The following AGBL4 variants were observed in gnomAD, a reference collection of about 807,000 sequenced individuals.
AGBL4 encodes the protein AGBL carboxypeptidase 4.
Under a neutral mutation model 66.4 loss-of-function variants are expected in AGBL4, and 58 were observed. The observed-to-expected ratio is 0.87, with a 90% CI of 0.71 to 1.09. The LOEUF (loss-of-function observed/expected upper bound fraction) is 1.09, where lower values mean the gene tolerates loss of function less well. AGBL4 is among the 50% of genes least tolerant of loss of function. The pLI, the probability that AGBL4 is intolerant of heterozygous loss-of-function variation, is 0.00. For synonymous variants in AGBL4, 234 were observed against 222.9 expected, an observed-to-expected ratio of 1.05 and a Z score of -0.44; for missense variants, 579 against 631.0, an observed-to-expected ratio of 0.92 and a Z score of 0.88.
intron 3 of AGBL4, among the ~76,000 whole-genome samples, chr1:49,666,850 G>A (rs1351828383): frequency 6.6e-6 from 1 of 152,002 alleles, no homozygotes; most frequent in Non-Finnish European, 1.5e-5. Flanking sequence ...TGGCTCAAGG[G>A]CATACAGCTG....
chr1:49,937,920 A>G (rs1054061663), intron 1 of AGBL4, among the ~76,000 whole-genome samples: 5 of 152,182 alleles, frequency 3.3e-5, no homozygotes, highest in Non-Finnish European at 7.4e-5. Flanking sequence ...ACACCCTAAC[A>G]TCACAATTAA....
chr1:49,171,389 C>T (rs1409076162), intron 4 of AGBL4, among the ~76,000 whole-genome samples: 4 of 152,170 alleles, frequency 2.6e-5, no homozygotes, highest in Admixed American at 6.5e-5. Flanking sequence ...CAGTACAAGG[C>T]TTGATCACAG....
intron 1 of AGBL4, among the ~76,000 whole-genome samples, chr1:49,954,299 T>C (rs778668608): frequency 2.0e-5 from 3 of 152,020 alleles, no homozygotes; most frequent in Non-Finnish European, 4.4e-5. Flanking sequence ...GTTAGAAACT[T>C]AATTGCCAGT....
chr1:49,797,669 C>T (rs1470639355), intron 2 of AGBL4, among the ~76,000 whole-genome samples: 1 of 152,128 alleles, frequency 6.6e-6, no homozygotes, highest in African/African-American at 2.4e-5. Flanking sequence ...GGTCTTGAAA[C>T]ACTGGCCTCA....
At chr1:49,973,289 A>T (rs1658287035) in intron 1 of AGBL4, among the ~76,000 whole-genome samples, 1 of 152,204 alleles carries the variant, frequency 6.6e-6, no homozygotes, top group Non-Finnish European at 1.5e-5. Flanking sequence ...TAAACTGATC[A>T]TAATTCCAAT....
chr1:48,581,373 T>C (rs1239930198), intron 11 of AGBL4, among the ~76,000 whole-genome samples: 1 of 152,220 alleles, frequency 6.6e-6, no homozygotes, highest in East Asian at 1.9e-4. Flanking sequence ...TCTTATTTCA[T>C]TGTGTCCACA....
chr1:49,648,851 G>T (rs1645945112), intron 3 of AGBL4, among the ~76,000 whole-genome samples: 1 of 151,224 alleles, frequency 6.6e-6, no homozygotes, highest in African/African-American at 2.4e-5. Flanking sequence ...AATGTTAAAA[G>T]AAATTATTTC....
chr1:49,101,592 C>T (rs535723370), intron 4 of AGBL4, among the ~76,000 whole-genome samples: 1 of 152,110 alleles, frequency 6.6e-6, no homozygotes, highest in Non-Finnish European at 1.5e-5. Flanking sequence ...ATTCTGGAGT[C>T]AGAGGGATCT....
chr1:49,146,345 C>T (rs1228066219), intron 4 of AGBL4, among the ~76,000 whole-genome samples: 4 of 151,866 alleles, frequency 2.6e-5, no homozygotes, highest in Non-Finnish European at 5.9e-5. Context: ...CATGCTTGTA[C>T]CAAAATATCT....
At chr1:48,609,833 C>T (rs201740471) in intron 9 of AGBL4, among the ~76,000 whole-genome samples, 5 of 152,234 alleles carry the variant, frequency 3.3e-5, no homozygotes, top group East Asian at 3.8e-4. Context: ...AGACTCAATA[C>T]TGGCGTCGCT....
chr1:48,948,701 T>C (rs17105307), intron 5 of AGBL4, among the ~76,000 whole-genome samples: 3,385 of 152,300 alleles, frequency 0.022, 130 homozygotes, highest in African/African-American at 0.074. Flanking sequence ...TTCTGAGGAA[T>C]CCTAACTACA....
chr1:49,990,963 C>T (rs565639427), intron 1 of AGBL4, among the ~76,000 whole-genome samples: 31 of 152,028 alleles, frequency 2.0e-4, no homozygotes, highest in African/African-American at 7.5e-4. Flanking sequence ...AGATTATATG[C>T]GTAATCGTCA....
At chr1:49,216,979 A>G (rs1649144848) in intron 4 of AGBL4, among the ~76,000 whole-genome samples, 1 of 152,084 alleles carries the variant, frequency 6.6e-6, no homozygotes, top group South Asian at 2.1e-4. Context: ...CTTCTCATAC[A>G]AAATACCTCC....
At chr1:49,885,128 C>T (rs1403175018) in intron 1 of AGBL4, among the ~76,000 whole-genome samples, 4 of 151,930 alleles carry the variant, frequency 2.6e-5, no homozygotes, top group South Asian at 2.1e-4. Context: ...TTATATGACA[C>T]GTATTTCACC....
chr1:49,754,639 G>A (rs904900655), intron 2 of AGBL4, among the ~76,000 whole-genome samples: 3 of 152,160 alleles, frequency 2.0e-5, no homozygotes, highest in Non-Finnish European at 4.4e-5. Flanking sequence ...CCCCTGCTGG[G>A]AGGTGTCTCT....
intron 1 of AGBL4, among the ~76,000 whole-genome samples, chr1:49,931,046 G>A (rs183442811): frequency 3.9e-5 from 6 of 152,150 alleles, no homozygotes; most frequent in African/African-American, 1.4e-4. Flanking sequence ...AATAATTAAT[G>A]AGTATAACAA....
chr1:49,786,839 T>C (rs778999153), intron 2 of AGBL4, among the ~76,000 whole-genome samples: 4 of 152,212 alleles, frequency 2.6e-5, no homozygotes, highest in Non-Finnish European at 5.9e-5. Flanking sequence ...TTTCCTCAGC[T>C]ACATCACTCA....
At chr1:49,822,184 ATGATAAGACACCGAATATGTTTT>A (rs1645386729) in intron 2 of AGBL4, among the ~76,000 whole-genome samples, 1 of 152,238 alleles carries the variant, frequency 6.6e-6, no homozygotes, top group African/African-American at 2.4e-5. Flanking sequence ...ATAAAGACAG[ATGATAAGACACCGAATATGTTTT>A]TAAAACTATA....
chr1:48,698,712 G>T (rs1646753738), intron 6 of AGBL4, among the ~76,000 whole-genome samples: 1 of 152,232 alleles, frequency 6.6e-6, no homozygotes, highest in Admixed American at 6.5e-5. Context: ...CTGGCCTCAA[G>T]TCCCACCTAC....
Sources: allele counts gnomAD v4.1 joint callset (sites outside exome capture counted in the v4.1 genomes callset), GRCh38; gene constraint gnomAD v4.1.1; transcripts MANE v1.5; gene names NCBI Gene and HGNC (gene_info 2026-07-23, HGNC 2026-07-21).